STK33: variants seen among roughly 807,000 people sequenced by gnomAD.
The protein encoded by STK33 is serine/threonine kinase 33, also known as serine/threonine-protein kinase 33.
Under a neutral mutation model 58.0 loss-of-function variants are expected in STK33, and 52 were observed. That is an observed-to-expected ratio of 0.90 (90% CI 0.72 to 1.13). STK33 has a LOEUF of 1.13. Ranked by LOEUF, STK33 falls within the 50% of genes most tolerant of loss-of-function variation. The probability of loss-of-function intolerance (pLI) is 0.00; values close to 1 mark genes in which losing one functional copy is unlikely to be tolerated. For synonymous variants in STK33, 215 were observed against 200.1 expected (o/e 1.07, Z -0.63); for missense variants, 630 against 604.2 (o/e 1.04, Z -0.45).
chr11:8,474,895 C>G lies in STK33; in HGVS notation c.11G>C (p.Ser4Thr), dbSNP rs778553128. The change falls in exon 5 of 16, where the codon AGT becomes ACT. Residue 4 changes from serine to threonine, a missense_variant. By Grantham distance (58) the Ser-to-Thr change is moderately conservative. Coordinates refer to ENST00000687296, the MANE Select transcript of STK33 (RefSeq NM_001352389.2). Reference protein sequence around the residue: MADSGLDKKSTKCP... With the variant: MADTGLDKKSTKCP... Reference sequence around the variant, plus strand: ...TTTTGTGGATTTTTTATCTAAGCCACTATCAGCCATTTGTTTAACTCTGCA... The same window carrying G: ...TTTTGTGGATTTTTTATCTAAGCCAGTATCAGCCATTTGTTTAACTCTGCA... The G allele has an allele frequency of 1.3e-6, 2 of 1,582,974 alleles. No individual in the cohort carries two copies. Among genetic ancestry groups the G allele is most frequent in the South Asian group, 2.3e-5 (2 of 85,276 alleles).
At chr11:8,399,796 G>A (rs1220873261) in intron 15 of STK33, among the ~76,000 whole-genome samples, 8 of 152,124 alleles carry the variant, frequency 5.3e-5, no homozygotes, top group South Asian at 2.1e-4. Flanking sequence ...TATCACCACC[G>A]ATCCCACAGA....
chr11:8,567,715 T>A (rs1455282352), intron 1 of STK33, among the ~76,000 whole-genome samples: 1 of 152,176 alleles, frequency 6.6e-6, no homozygotes, highest in African/African-American at 2.4e-5. Flanking sequence ...AACACCAGAT[T>A]CTATCCTTTA....
rs545042259 is a variant in STK33 at position 8,488,527 on chromosome 11, A to C, written c.-465-7913T>G. Among the ~76,000 whole-genome samples the C allele has an allele frequency of 6.6e-5, 10 of 152,280 alleles. No individual in the cohort carries two copies. In the South Asian group the frequency reaches 2.1e-3, roughly 32 times the overall value. On this transcript the variant is annotated intron_variant, in intron 1 of 15. Transcript: ENST00000687296. ...TGCTTAGTGTTGCAAGTGTAGCCCAACATGCACGTAGAGTTCCTTGGCAAA... is the reference window on the plus strand; with the variant it reads ...TGCTTAGTGTTGCAAGTGTAGCCCACCATGCACGTAGAGTTCCTTGGCAAA...
At chr11:8,399,272 A>G (rs1029590180) in intron 15 of STK33, among the ~76,000 whole-genome samples, 2 of 152,260 alleles carry the variant, frequency 1.3e-5, no homozygotes, top group South Asian at 4.1e-4. Context: ...ACTGTCTCTC[A>G]GACAACAGAG....
chr11:8,502,468 T>C (rs937320414), intron 1 of STK33, among the ~76,000 whole-genome samples: 5 of 152,126 alleles, frequency 3.3e-5, no homozygotes, highest in African/African-American at 9.7e-5. Flanking sequence ...TTATACCATA[T>C]ACAAAAATCA....
chr11:8,413,750 C>A, intron 14 of STK33, 58 bp from the exon 15 acceptor site: 1 of 1,459,270 alleles, frequency 6.9e-7, no homozygotes, highest in South Asian at 1.2e-5. Context: ...GAGACGATAC[C>A]TACATCATTT....
intron 11 of STK33, among the ~76,000 whole-genome samples, chr11:8,443,823 T>A (rs1431079604): frequency 6.6e-6 from 1 of 152,004 alleles, no homozygotes; most frequent in African/African-American, 2.4e-5. Context: ...TGAGATCTCA[T>A]CTCTACTAAA....
the STK33 span, among the ~76,000 whole-genome samples, chr11:8,345,092 G>C: frequency 6.6e-6 from 1 of 152,036 alleles, no homozygotes; most frequent in African/African-American, 2.4e-5. Context: ...TTCCCCACTC[G>C]CACCTTCCCT....
intron 1 of STK33, among the ~76,000 whole-genome samples, chr11:8,552,779 C>A (rs994406719): frequency 9.9e-5 from 15 of 152,130 alleles, no homozygotes; most frequent in Admixed American, 2.0e-4. Context: ...CTTCTGGATA[C>A]CTCCTGAAGG....
chr11:8,490,353 C>A (rs996385986), intron 1 of STK33, among the ~76,000 whole-genome samples: 1 of 152,172 alleles, frequency 6.6e-6, no homozygotes, highest in South Asian at 2.1e-4. Flanking sequence ...GAGGCAGCAA[C>A]CTGGCAGGGG....
At chr11:8,434,971 G>A (rs1038444276) in intron 14 of STK33, among the ~76,000 whole-genome samples, 11 of 152,138 alleles carry the variant, frequency 7.2e-5, no homozygotes, top group Admixed American at 5.9e-4. Context: ...GGTAATGTTC[G>A]GGTGCAGGGA....
chr11:8,507,987 T>C (rs1226831103), intron 1 of STK33, among the ~76,000 whole-genome samples: 2 of 152,088 alleles, frequency 1.3e-5, no homozygotes, highest in Non-Finnish European at 2.9e-5. Flanking sequence ...GCCTCCCAGG[T>C]TCAAGCGATT....
chr11:8,422,263 T>C (rs1942033049), intron 14 of STK33, among the ~76,000 whole-genome samples: 1 of 152,188 alleles, frequency 6.6e-6, no homozygotes, highest in African/African-American at 2.4e-5. Flanking sequence ...GGATTTATAC[T>C]TACAGATTCT....
intron 1 of STK33, among the ~76,000 whole-genome samples, chr11:8,488,580 T>C (rs1950350154): frequency 6.6e-6 from 1 of 151,464 alleles, no homozygotes; most frequent in Non-Finnish European, 1.5e-5. Context: ...CTTCTAGGCA[T>C]TGGAGGAAAT....
chr11:8,547,237 G>A (rs1036505117), intron 1 of STK33, among the ~76,000 whole-genome samples: 2 of 152,042 alleles, frequency 1.3e-5, no homozygotes, highest in South Asian at 2.1e-4. Flanking sequence ...CTGTTGAGAC[G>A]GAGTTTCATT....
intron 14 of STK33, among the ~76,000 whole-genome samples, chr11:8,420,320 A>C (rs147354219): frequency 9.1e-4 from 139 of 152,272 alleles, no homozygotes; most frequent in African/African-American, 3.2e-3. Context: ...TTTCCTAACA[A>C]AATCACCTCA....
At chr11:8,341,974 A>G in the STK33 span, among the ~76,000 whole-genome samples, 1 of 152,240 alleles carries the variant, frequency 6.6e-6, no homozygotes, top group Non-Finnish European at 1.5e-5. Flanking sequence ...CATTTATTGC[A>G]GGATGCCAAG....
intron 6 of STK33, 46 bp from the exon 7 acceptor site, chr11:8,464,868 G>T: frequency 1.6e-6 from 2 of 1,283,530 alleles, no homozygotes; most frequent in South Asian, 1.3e-5. Flanking sequence ...CCATTCATCA[G>T]CTATTAAAAA....
At chr11:8,534,558 CTCTCTCTCTCTGTGTGTG>C (rs1307136450) in intron 1 of STK33, among the ~76,000 whole-genome samples, 1,592 of 130,458 alleles carry the variant, frequency 0.012, 27 homozygotes, top group African/African-American at 0.048. Context: ...CTCTCTCTCT[CTCTCTCTCTCTGTGTGTG>C]TGTGTGTGTG....
Sources: gnomAD v4.1 joint callset for allele counts (sites outside exome capture counted in the v4.1 genomes callset) on GRCh38, gnomAD v4.1.1 for gene constraint, MANE v1.5 for transcripts, NCBI Gene and HGNC (gene_info 2026-07-23, HGNC 2026-07-21) for gene names.